The following MGST1 variants were observed in gnomAD, a reference collection of about 807,000 sequenced individuals.
MGST1 encodes glutathione S-transferase 12.
Under a neutral mutation model 8.9 loss-of-function variants are expected in MGST1, and 5 were observed. The observed-to-expected ratio is 0.56, with a 90% confidence interval of 0.29 to 1.19. The LOEUF (loss-of-function observed/expected upper bound fraction) is 1.19, where lower values mean the gene tolerates loss of function less well. Among genes scored for constraint, MGST1 ranks in the 50% most tolerant of loss-of-function variants. MGST1 has a pLI of 0.08. For synonymous variants in MGST1, 54 were observed against 67.8 expected, an observed-to-expected ratio of 0.80 and a Z score of 1.00; for missense variants, 182 against 187.4, an observed-to-expected ratio of 0.97 and a Z score of 0.17.
intron 1 of MGST1, among the ~76,000 whole-genome samples, chr12:16,422,848 C>T (rs534449527): frequency 1.3e-5 from 2 of 152,224 alleles, no homozygotes; most frequent in South Asian, 4.1e-4. Flanking sequence ...GTACTGCTTC[C>T]TCTAATTATT....
chr12:16,356,413 C>T (rs865865761), intron 2 of MGST1, among the ~76,000 whole-genome samples: 41 of 151,992 alleles, frequency 2.7e-4, no homozygotes, highest in African/African-American at 9.7e-4. Context: ...ACCTTAGGAA[C>T]TTTATCTGGA....
intron 4 of MGST1, among the ~76,000 whole-genome samples, chr12:16,474,688 A>G (rs756837615): frequency 6.6e-6 from 1 of 152,136 alleles, no homozygotes; most frequent in Non-Finnish European, 1.5e-5. Flanking sequence ...TGACCATTCC[A>G]GAAGAAATGA....
At chr12:16,591,304 C>T (rs546274028), downstream of MGST1, among the ~76,000 whole-genome samples, 11 of 152,074 alleles carry the variant, frequency 7.2e-5, no homozygotes, top group South Asian at 2.1e-4. The surrounding 1 kb of genome is among the most constrained non-coding windows in gnomAD (Gnocchi z 4.1). Flanking sequence ...CCTTCCCATA[C>T]GTGATCATGG....
At chr12:16,583,046 C>CA (rs55665813) in intron 4 of MGST1, among the ~76,000 whole-genome samples, 71,010 of 125,936 alleles carry the variant, frequency 0.56, 20,423 homozygotes, top group East Asian at 0.7. Flanking sequence ...GACTCCGCCT[C>CA]AAAAAAAAAA....
chr12:16,478,948 C>G (rs1941344996), intron 4 of MGST1, among the ~76,000 whole-genome samples: 1 of 152,018 alleles, frequency 6.6e-6, no homozygotes, highest in Admixed American at 6.6e-5. Flanking sequence ...TATCACTAAA[C>G]AGTTTCTCCC....
intron 3 of MGST1, chr12:16,360,228 A>G (rs1222733524): frequency 1.9e-5 from 9 of 479,258 alleles, no homozygotes; most frequent in African/African-American, 6.3e-5. Flanking sequence ...CTTTTCAGAG[A>G]GAGCGTTTCC....
chr12:16,560,342 C>T lies in MGST1; in HGVS notation n.483-29186C>T. 1.4e-6 allele frequency: 2 copies of T among 1,480,312 alleles called. No homozygotes were observed. The highest frequency in any genetic ancestry group is 9.2e-7 in the Non-Finnish European group (1 of 1,091,604). The allele number at this position is 1,480,312 out of a possible 1,614,324, so 91.7% of individuals were successfully genotyped here. ...TGCTTTAAATGTATGAATATAATTT[C>T]CACCTATTAAATAAATAGCCAGCAC... On this transcript the variant is annotated intron_variant and non_coding_transcript_variant, in intron 4 of 4. Coordinates refer to the MGST1 transcript ENST00000538857. This position sits in a 1 kb window ranked among gnomAD's most constrained non-coding sequence, Gnocchi z 5.0.
At chr12:16,378,019 T>G (rs1182901117), downstream of MGST1, among the ~76,000 whole-genome samples, 2 of 151,898 alleles carry the variant, frequency 1.3e-5, no homozygotes, top group Admixed American at 6.6e-5. Context: ...TAAATTTGTT[T>G]GAGTTCATTG....
rs544872736 is a variant in MGST1 at position 16,449,776 on chromosome 12, T to G, written n.482+66172T>G. On this transcript the variant is annotated intron_variant and non_coding_transcript_variant, in intron 4 of 4. Coordinates refer to the MGST1 transcript ENST00000538857. ...ACAAGTGAGTCCTTCCACTCATCCATCTATCCCCCCATTCTTCCATTCTCC... is the reference window on the plus strand; with the variant it reads ...ACAAGTGAGTCCTTCCACTCATCCAGCTATCCCCCCATTCTTCCATTCTCC... Among the ~76,000 whole-genome samples, 10 of 152,084 alleles carry G rather than the reference T, an allele frequency of 6.6e-5. No individual in the cohort carries two copies. The South Asian group carries it at 1.7e-3, about 25-fold the overall frequency.
intron 1 of MGST1, among the ~76,000 whole-genome samples, chr12:16,396,981 G>C (rs1177344056): frequency 6.6e-6 from 1 of 151,924 alleles, no homozygotes; most frequent in Non-Finnish European, 1.5e-5. Flanking sequence ...GCAAGACTAA[G>C]CAAAAAGAAC....
At chr12:16,577,509 A>G (rs556623223) in intron 4 of MGST1, among the ~76,000 whole-genome samples, 1 of 152,264 alleles carries the variant, frequency 6.6e-6, no homozygotes, top group African/African-American at 2.4e-5. Flanking sequence ...CCCTCCAGTC[A>G]ATATTTATTG....
At chr12:16,385,663 G>A (rs868866538) in intron 1 of MGST1, among the ~76,000 whole-genome samples, 1 of 151,464 alleles carries the variant, frequency 6.6e-6, no homozygotes, top group South Asian at 2.1e-4. Context: ...CAAAGCCCAG[G>A]AGAAGCCCGT....
chr12:16,519,700 C>T (rs1044887732), intron 4 of MGST1, among the ~76,000 whole-genome samples: 1 of 152,156 alleles, frequency 6.6e-6, no homozygotes, highest in African/African-American at 2.4e-5. Flanking sequence ...CCACCTTTCT[C>T]ATTATGACCC....
chr12:16,421,813 AT>A (rs2137084476), intron 1 of MGST1, among the ~76,000 whole-genome samples: 1 of 152,312 alleles, frequency 6.6e-6, no homozygotes, highest in East Asian at 1.9e-4. Flanking sequence ...TACTTGGAAT[AT>A]ATGTCCATTT....
chr12:16,347,436 A>AGTTG (rs1332287134), upstream of MGST1, among the ~76,000 whole-genome samples: 1 of 152,116 alleles, frequency 6.6e-6, no homozygotes, highest in Non-Finnish European at 1.5e-5. This position sits in a 1 kb window ranked among gnomAD's most constrained non-coding sequence, Gnocchi z 4.0. Context: ...TGATTAGGGG[A>AGTTG]GTTGGCATTT....
chr12:16,543,433 C>T (rs952682760), intron 4 of MGST1, among the ~76,000 whole-genome samples: 1 of 152,048 alleles, frequency 6.6e-6, no homozygotes, highest in Non-Finnish European at 1.5e-5. Flanking sequence ...TTGTTGAGTG[C>T]TCATCTGTAA....
intron 4 of MGST1, among the ~76,000 whole-genome samples, chr12:16,455,111 T>G (rs1941162852): frequency 6.6e-6 from 1 of 151,878 alleles, no homozygotes; most frequent in African/African-American, 2.4e-5. Context: ...TGGAAAGCAT[T>G]TTAAATAGAA....
intron 3 of MGST1, chr12:16,376,013 T>G (rs1432691320): frequency 1.2e-5 from 8 of 686,312 alleles, no homozygotes; most frequent in Non-Finnish European, 8.5e-6. Flanking sequence ...CACACCTATA[T>G]GTACACACAC....
chr12:16,512,984 A>G (rs948651177), intron 4 of MGST1, among the ~76,000 whole-genome samples: 2 of 152,178 alleles, frequency 1.3e-5, no homozygotes, highest in African/African-American at 4.8e-5. Flanking sequence ...TATATCCCCA[A>G]CCGTCTCTAG....
Sources: allele counts gnomAD v4.1 joint callset (sites outside exome capture counted in the v4.1 genomes callset), GRCh38; gene constraint gnomAD v4.1.1; non-coding constraint Gnocchi (gnomAD v3.1); transcripts MANE v1.5; gene names NCBI Gene and HGNC (gene_info 2026-07-23, HGNC 2026-07-21).